Variants in ROBO1 observed in about 807,000 individuals in gnomAD.
ROBO1 encodes roundabout guidance receptor 1.
ROBO1 carries 149 observed loss-of-function variants against 195.9 expected under a neutral mutation model. The observed-to-expected ratio is 0.76, with a 90% CI of 0.67 to 0.87. ROBO1 has a LOEUF of 0.87. Among genes scored for constraint, ROBO1 ranks in the 40% least tolerant of loss-of-function variants. The probability of loss-of-function intolerance (pLI) is 0.00; values close to 1 mark genes in which losing one functional copy is unlikely to be tolerated. For missense variants in ROBO1, 1,933 were observed against 2,068.3 expected (o/e 0.93, Z 1.27); for synonymous variants, 816 against 733.2 (o/e 1.11, Z -1.82).
At chr3:79,100,870 A>C (rs1173655748) in intron 3 of ROBO1, among the ~76,000 whole-genome samples, 1 of 151,834 alleles carries the variant, frequency 6.6e-6, no homozygotes, top group Non-Finnish European at 1.5e-5. Flanking sequence ...AGCTTGAGGC[A>C]CCACTGTTTT....
At chr3:78,750,375 C>T (rs1576083460) in intron 4 of ROBO1, among the ~76,000 whole-genome samples, 1 of 151,510 alleles carries the variant, frequency 6.6e-6, no homozygotes, top group Non-Finnish European at 1.5e-5. Context: ...ATGGTGTGAA[C>T]CCAGGAGGTG....
intron 2 of ROBO1, among the ~76,000 whole-genome samples, chr3:79,381,932 A>C (rs1452176477): frequency 6.6e-6 from 1 of 152,074 alleles, no homozygotes; most frequent in African/African-American, 2.4e-5. Context: ...CTATATCCCT[A>C]CAACCGTATT....
In ROBO1 at chr3:78,617,661, G is replaced by C; in HGVS notation, c.4256C>G (p.Ala1419Gly). Reference sequence around the variant, plus strand: ...AGCAGCATCCTGCATTTGCCGTCGTGCTACTTTCAGACCAGCATACTCTGC... The same window carrying C: ...AGCAGCATCCTGCATTTGCCGTCGTCCTACTTTCAGACCAGCATACTCTGC... The part of the protein sequence containing the change: ...AAAEYAGLKV[A>G]RRQMQDAAGR... Residue 1419 changes from alanine to glycine, a missense_variant, in exon 27 of 31, where the codon GCA (alanine) becomes GGA (glycine). Ala to Gly is a moderately conservative substitution (Grantham distance 60). Around this residue, in one of 3 missense-constraint regions of ROBO1, gnomAD observed 1,737 missense variants for 1,882.5 expected, o/e 0.92. Coordinates refer to ENST00000464233, the MANE Select transcript of ROBO1 (RefSeq NM_002941.4). 1 of 1,613,146 alleles carries C rather than the reference G, an allele frequency of 6.2e-7. No individual in the cohort carries two copies. The highest frequency in any genetic ancestry group is 1.1e-5 in the South Asian group (1 of 90,992).
intron 4 of ROBO1, among the ~76,000 whole-genome samples, chr3:78,871,623 TTTCTAA>T (rs879474387): frequency 6.6e-5 from 10 of 152,112 alleles, no homozygotes; most frequent in Non-Finnish European, 1.5e-4. Flanking sequence ...TACTTATATT[TTTCTAA>T]TTCTGTTTTT....
chr3:79,253,616 A>T (rs115907023), intron 2 of ROBO1, among the ~76,000 whole-genome samples: 58 of 152,352 alleles, frequency 3.8e-4, no homozygotes, highest in African/African-American at 1.3e-3. Flanking sequence ...GAACAAGGAA[A>T]CACAAAAACA....
At position 78,661,097 on chromosome 3, in the gene ROBO1, A is replaced by G; in HGVS notation, c.2253T>C (p.Ala751=). Residue 751 remains alanine (A), a synonymous_variant, in exon 16 of 31, where the codon GCT becomes GCC. Coordinates refer to ENST00000464233, the MANE Select transcript of ROBO1 (RefSeq NM_002941.4). ...CTTGAAATTCATTAAAAAAAGGGCG[A>G]GCCTTAATTTCATAGTTGACTCCCT... ...LRKGVNYEIK[A]RPFFNEFQGA... is the part of the protein sequence containing the mutation. The G allele has an allele frequency of 1.2e-6, 2 of 1,613,660 alleles. No individual in the cohort carries two copies. The highest frequency in any genetic ancestry group is 2.2e-5 in the South Asian group (2 of 91,006).
rs1418632877 is a variant in ROBO1, at chr3:79,092,289, G to A, written c.172+33167C>T. 4.6e-5 allele frequency among the ~76,000 whole-genome samples: 7 copies of A among 152,056 alleles called. No individual in the cohort carries two copies. In the South Asian group the frequency reaches 6.2e-4, roughly 14 times the overall value. On this transcript the variant is annotated intron_variant, in intron 3 of 30. Transcript: ENST00000464233. ...CTGGGTTGCCATTTAATGAGACGGA[G>A]GAACACTCAGAAGAACAGGCTAATT... is the stretch of plus-strand genomic sequence containing the variant.
chr3:79,363,356 G>GAAGA (rs1319832801), intron 2 of ROBO1, among the ~76,000 whole-genome samples: 1 of 152,094 alleles, frequency 6.6e-6, no homozygotes, highest in Non-Finnish European at 1.5e-5. Context: ...CACAAAACAT[G>GAAGA]AAGAAAGAAA....
At chr3:79,602,864 A>C (rs1260329712) in intron 1 of ROBO1, among the ~76,000 whole-genome samples, 1 of 152,008 alleles carries the variant, frequency 6.6e-6, no homozygotes, top group Non-Finnish European at 1.5e-5. Flanking sequence ...TTTGTGCTAT[A>C]CTGATGGTAT....
chr3:79,594,099 T>G (rs754769069), intron 1 of ROBO1, among the ~76,000 whole-genome samples: 1 of 152,040 alleles, frequency 6.6e-6, no homozygotes, highest in African/African-American at 2.4e-5. Flanking sequence ...ATACCTTGAA[T>G]TTTTGGTCTT....
chr3:78,683,493 T>C (rs557696693), intron 10 of ROBO1, among the ~76,000 whole-genome samples: 57 of 152,172 alleles, frequency 3.7e-4, no homozygotes, highest in Non-Finnish European at 5.9e-4. Flanking sequence ...GGTGGAGACT[T>C]ATACCACCAG....
intron 2 of ROBO1, among the ~76,000 whole-genome samples, chr3:79,412,219 T>TA: frequency 6.6e-6 from 1 of 152,204 alleles, no homozygotes; most frequent in African/African-American, 2.4e-5. Flanking sequence ...CAGGCAAGGT[T>TA]AAAAAAATTA....
intron 2 of ROBO1, among the ~76,000 whole-genome samples, chr3:79,434,047 C>A (rs1261493304): frequency 3.3e-5 from 5 of 152,136 alleles, no homozygotes; most frequent in African/African-American, 4.8e-5. Flanking sequence ...CTTCCTTACA[C>A]CTTATACAAA....
intron 5 of ROBO1, among the ~76,000 whole-genome samples, chr3:78,726,382 T>C (rs2082162742): frequency 6.6e-6 from 1 of 152,120 alleles, no homozygotes; most frequent in South Asian, 2.1e-4. Context: ...AGATTAAAGG[T>C]TTGAAAATAT....
chr3:79,353,101 T>C (rs2109273136), intron 2 of ROBO1, among the ~76,000 whole-genome samples: 1 of 152,296 alleles, frequency 6.6e-6, no homozygotes, highest in African/African-American at 2.4e-5. Context: ...CTATCCGTAA[T>C]CTAAAAGTGA....
At chr3:79,734,524 T>G (rs1389979131) in intron 1 of ROBO1, among the ~76,000 whole-genome samples, 1 of 152,256 alleles carries the variant, frequency 6.6e-6, no homozygotes, top group Non-Finnish European at 1.5e-5. Context: ...AGTAAGCATT[T>G]ATATTCACTG....
Position 79,229,420 on chromosome 3 carries a change from G to A in ROBO1, c.89-103881C>T, listed in dbSNP as rs529641975. 3.9e-4 allele frequency among the ~76,000 whole-genome samples: 59 copies of A among 152,236 alleles called. 1 individual carries two copies. The highest frequency in any genetic ancestry group is 1.4e-3 in the African/African-American group (58 of 41,546). On this transcript the variant is annotated intron_variant, in intron 2 of 30. Coordinates refer to ENST00000464233, the MANE Select transcript of ROBO1 (RefSeq NM_002941.4). ...CACAAGTGACTGAATAAGTTAGGGT[G>A]TTAATCTATGTGTATAATAAGATAA... is the stretch of plus-strand genomic sequence containing the variant.
chr3:79,303,159 G>GTTTTTT lies in ROBO1; in HGVS notation c.89-177621_89-177620insAAAAAA, dbSNP rs368110549. On this transcript the variant is annotated intron_variant, in intron 2 of 30. Coordinates refer to ENST00000464233, the MANE Select transcript of ROBO1 (RefSeq NM_002941.4). ...ATTAATATATGAATTATCTCACATA[G>GTTTTTT]GTTTTTTTTTTTTTTTTTTTTTTTG... Among the ~76,000 whole-genome samples the GTTTTTT allele has an allele frequency of 3.9e-4, 28 of 72,072 alleles. 6 individuals carry two copies. Among genetic ancestry groups the GTTTTTT allele is most frequent in the South Asian group, 1.0e-3 (2 of 1,958 alleles). 47.3% of individuals were successfully genotyped at this position (72,072 alleles called of 152,430 possible).
intron 2 of ROBO1, among the ~76,000 whole-genome samples, chr3:79,155,489 T>C (rs1029173117): frequency 6.6e-6 from 1 of 151,722 alleles, no homozygotes. Flanking sequence ...GACTCAAATA[T>C]TTTTTTCATA....
Sources: gnomAD v4.1 joint callset for allele counts (sites outside exome capture counted in the v4.1 genomes callset) on GRCh38, gnomAD v4.1.1 for gene constraint, gnomAD v4.1.1 regional missense constraint, MANE v1.5 for transcripts, NCBI Gene and HGNC (gene_info 2026-07-23, HGNC 2026-07-21) for gene names.